The following PDE1C variants were observed in gnomAD, a reference collection of about 807,000 sequenced individuals.
The protein encoded by PDE1C is dual specificity calcium/calmodulin-dependent 3',5'-cyclic nucleotide phosphodiesterase 1C.
PDE1C carries 62 observed loss-of-function variants against 93.1 expected under a neutral mutation model. The observed-to-expected ratio is 0.67, with a 90% CI of 0.54 to 0.82. The LOEUF (loss-of-function observed/expected upper bound fraction) is 0.82, where lower values mean the gene tolerates loss of function less well. PDE1C is among the 40% of genes least tolerant of loss of function. The pLI is 0.00. For synonymous variants in PDE1C, 325 were observed against 310.1 expected (o/e 1.05, Z -0.50); for missense variants, 742 against 884.6 (o/e 0.84, Z 2.04).
intron 1 of PDE1C, among the ~76,000 whole-genome samples, chr7:32,356,357 C>A (rs1313730555): frequency 1.3e-5 from 2 of 152,178 alleles, no homozygotes; most frequent in South Asian, 2.1e-4. Flanking sequence ...TTGTTAATTA[C>A]AATGATCTTG....
At chr7:32,142,045 C>T (rs995865957) in intron 3 of PDE1C, among the ~76,000 whole-genome samples, 1 of 151,778 alleles carries the variant, frequency 6.6e-6, no homozygotes, top group East Asian at 1.9e-4. Context: ...GCACTTACAC[C>T]TTCTGCAGTT....
At chr7:31,868,034 C>G (rs1472416312) in intron 6 of PDE1C, among the ~76,000 whole-genome samples, 1 of 152,232 alleles carries the variant, frequency 6.6e-6, no homozygotes, top group Non-Finnish European at 1.5e-5. Flanking sequence ...ATAGATACTT[C>G]TTCAGGAAAA....
rs76871835 is a variant in PDE1C, at chr7:31,944,842, T to C, written c.129-63982A>G. On this transcript the variant is annotated intron_variant, in intron 2 of 17. Coordinates refer to ENST00000396191, the MANE Select transcript of PDE1C (RefSeq NM_001191057.4). ...CGTAATGATTAAATAATCACCATCA[T>C]CTACTTAAAAAATACAGGAACAAGC... Among the ~76,000 whole-genome samples the C allele has an allele frequency of 8.6e-3, 1,315 of 152,270 alleles. 24 individuals are homozygous for C. Among genetic ancestry groups the C allele is most frequent in the African/African-American group, 0.03 (1,248 of 41,560 alleles).
chr7:31,888,639 TATTA>T (rs61344840), intron 2 of PDE1C, among the ~76,000 whole-genome samples: 13,381 of 152,068 alleles, frequency 0.088, 704 homozygotes, highest in South Asian at 0.21. Context: ...TTCCATAAAA[TATTA>T]ATTTATCAAA....
In PDE1C at chr7:31,837,286, T is replaced by A; in HGVS notation, c.1097A>T (p.Lys366Ile). 6.2e-7 allele frequency: 1 copy of A among 1,611,206 alleles called. No homozygotes were observed. The highest frequency in any genetic ancestry group is 8.5e-7 in the Non-Finnish European group (1 of 1,178,316). Reference protein sequence around the residue: ...LQQPEAIEKPKALSLMLHTAD... With the variant: ...LQQPEAIEKPIALSLMLHTAD... ...TGTATGCAGCATAAGGGATAAGGCT[T>A]TTGGCTTTTCAATGCTGTAAACCAA... Residue 366 changes from lysine to isoleucine, a missense_variant, in exon 11 of 18, where the codon AAA becomes ATA. This residue lies in a region of PDE1C where 454 missense variants were observed against 459.4 expected (regional missense o/e 0.99). Coordinates refer to ENST00000396191, the MANE Select transcript of PDE1C (RefSeq NM_001191057.4).
At chr7:32,082,307 G>A (rs1378664513) in intron 3 of PDE1C, among the ~76,000 whole-genome samples, 1 of 152,238 alleles carries the variant, frequency 6.6e-6, no homozygotes, top group Non-Finnish European at 1.5e-5. Flanking sequence ...GCGAGGCTGG[G>A]GGAGGGGCGC....
chr7:31,935,833 A>C (rs58577978), intron 2 of PDE1C, among the ~76,000 whole-genome samples: 2,271 of 151,178 alleles, frequency 0.015, 53 homozygotes, highest in African/African-American at 0.053. Context: ...ACCAAGCAGC[A>C]GCTGAAAGGA....
chr7:31,662,602 T>C, the PDE1C span, among the ~76,000 whole-genome samples: 19 of 152,248 alleles, frequency 1.2e-4, no homozygotes, highest in East Asian at 3.8e-4. Context: ...CTGTGTTGTG[T>C]AGACGTATGT....
chr7:32,193,486 A>G (rs898072076), intron 2 of PDE1C, among the ~76,000 whole-genome samples: 1 of 152,230 alleles, frequency 6.6e-6, no homozygotes. Context: ...ACTTGCATCC[A>G]TAGAATTAAC....
At chr7:32,314,696 G>A (rs113794079) in intron 1 of PDE1C, among the ~76,000 whole-genome samples, 2,060 of 152,140 alleles carry the variant, frequency 0.014, 48 homozygotes, top group African/African-American at 0.046. Flanking sequence ...CCTGGAGAAG[G>A]TAACTCTTCT....
At chr7:31,891,879 T>C (rs1798691122) in intron 2 of PDE1C, among the ~76,000 whole-genome samples, 1 of 152,036 alleles carries the variant, frequency 6.6e-6, no homozygotes, top group Non-Finnish European at 1.5e-5. Flanking sequence ...ATAAGATTGG[T>C]AGATTATGCT....
chr7:31,932,076 TTAAAGACTA>T (rs1804385214), intron 2 of PDE1C, among the ~76,000 whole-genome samples: 1 of 152,156 alleles, frequency 6.6e-6, no homozygotes, highest in Non-Finnish European at 1.5e-5. Flanking sequence ...TCAAGATGGA[TTAAAGACTA>T]AAATGTAAAA....
downstream of PDE1C, among the ~76,000 whole-genome samples, chr7:31,750,793 G>T (rs898192347): frequency 1.2e-4 from 19 of 152,166 alleles, no homozygotes; most frequent in Non-Finnish European, 2.4e-4. Flanking sequence ...ATGCAGCGGC[G>T]TGATCTCGGC....
At chr7:31,824,762 A>T in intron 13 of PDE1C, 105 bp downstream of exon 13, 1 of 1,444,730 alleles carries the variant, frequency 6.9e-7, no homozygotes. Context: ...GAAGGAGCTA[A>T]GGCAAATGCC....
intron 3 of PDE1C, among the ~76,000 whole-genome samples, chr7:32,089,400 A>C (rs1325339969): frequency 6.6e-6 from 1 of 152,212 alleles, no homozygotes; most frequent in African/African-American, 2.4e-5. Context: ...TTGAGAGGCT[A>C]GCTCTGTGTC....
chr7:31,640,350 C>T, the PDE1C span, among the ~76,000 whole-genome samples: 1 of 152,156 alleles, frequency 6.6e-6, no homozygotes, highest in African/African-American at 2.4e-5. Context: ...ATGAGCTCAT[C>T]AGTACTCAGC....
intron 1 of PDE1C, among the ~76,000 whole-genome samples, chr7:32,307,615 C>T (rs1813043123): frequency 6.6e-6 from 1 of 151,864 alleles, no homozygotes; most frequent in Admixed American, 6.6e-5. Flanking sequence ...AACCCTGCTG[C>T]ATGCCCAGGA....
intron 14 of PDE1C, among the ~76,000 whole-genome samples, chr7:31,817,060 G>C (rs75275949): frequency 0.016 from 2,491 of 152,174 alleles, 26 homozygotes; most frequent in African/African-American, 0.028. Context: ...GCAAGCAAGT[G>C]GATTTATAAA....
At chr7:31,709,108 A>G in the PDE1C span, among the ~76,000 whole-genome samples, 1 of 152,180 alleles carries the variant, frequency 6.6e-6, no homozygotes, top group East Asian at 1.9e-4. Context: ...ACTTCATCCT[A>G]TCAGATTTGC....
Sources: gnomAD v4.1 joint callset for allele counts (sites outside exome capture counted in the v4.1 genomes callset) on GRCh38, gnomAD v4.1.1 for gene constraint, gnomAD v4.1.1 regional missense constraint, MANE v1.5 for transcripts, NCBI Gene and HGNC (gene_info 2026-07-23, HGNC 2026-07-21) for gene names.